Variants in ZFYVE9 observed in about 807,000 individuals in gnomAD.
The protein encoded by ZFYVE9 is zinc finger FYVE domain-containing protein 9.
A neutral mutation model predicts 126.7 loss-of-function variants in ZFYVE9; 43 were observed. The observed-to-expected ratio is 0.34, with a 90% confidence interval of 0.27 to 0.44. The LOEUF (loss-of-function observed/expected upper bound fraction) is 0.44, where lower values mean the gene tolerates loss of function less well. ZFYVE9 is among the 20% of genes least tolerant of loss of function. ZFYVE9 has a pLI of 1.00. For missense variants in ZFYVE9, 1,476 were observed against 1,697.0 expected, an observed-to-expected ratio of 0.87 and a Z score of 2.29; for synonymous variants, 521 against 597.4, an observed-to-expected ratio of 0.87 and a Z score of 1.87.
At chr1:52,323,808 G>T (rs762346245) in intron 13 of ZFYVE9, among the ~76,000 whole-genome samples, 11 of 151,818 alleles carry the variant, frequency 7.2e-5, no homozygotes, top group Non-Finnish European at 1.2e-4. Context: ...CCAGCTATTC[G>T]GGAGGCTGAG....
intron 10 of ZFYVE9, among the ~76,000 whole-genome samples, chr1:52,289,763 TATTG>T (rs1389954108): frequency 6.6e-6 from 1 of 152,204 alleles, no homozygotes; most frequent in Non-Finnish European, 1.5e-5. Flanking sequence ...ATTCAGTTAT[TATTG>T]GTAATCTACA....
chr1:52,265,104 G>A (rs1427557523), intron 5 of ZFYVE9, among the ~76,000 whole-genome samples: 1 of 152,172 alleles, frequency 6.6e-6, no homozygotes, highest in Non-Finnish European at 1.5e-5. Flanking sequence ...AATGGCAGAG[G>A]ATTCACATGG....
intron 12 of ZFYVE9, among the ~76,000 whole-genome samples, chr1:52,297,036 G>A (rs1382980333): frequency 6.6e-6 from 1 of 151,926 alleles, no homozygotes; most frequent in East Asian, 1.9e-4. Context: ...CAAACTCCTG[G>A]CCTCAATGAT....
At chr1:52,339,042 A>G (rs1368380756) in intron 16 of ZFYVE9, among the ~76,000 whole-genome samples, 1 of 152,172 alleles carries the variant, frequency 6.6e-6, no homozygotes, top group Non-Finnish European at 1.5e-5. Context: ...CAAGAACATA[A>G]ACAGGTTTGA....
intron 1 of ZFYVE9, among the ~76,000 whole-genome samples, chr1:52,213,157 G>T (rs1195963745): frequency 1.3e-5 from 2 of 152,064 alleles, no homozygotes; most frequent in Non-Finnish European, 2.9e-5. Flanking sequence ...TATTCTCCAT[G>T]GGAGGTGATG....
intron 13 of ZFYVE9, among the ~76,000 whole-genome samples, chr1:52,304,240 C>T (rs1646060929): frequency 6.6e-6 from 1 of 151,904 alleles, no homozygotes; most frequent in Non-Finnish European, 1.5e-5. Context: ...AATGTCCCCA[C>T]TCCTACTATA....
rs1644449145 is a variant in ZFYVE9 at position 52,160,631 on chromosome 1, G to GT, written c.-143+18229dup. 1.1e-5 allele frequency: 7 copies of GT among 664,882 alleles called. No homozygotes were observed. The Admixed American group carries it at 1.4e-4, about 14-fold the overall frequency. The allele number at this position is 664,882 out of a possible 1,614,324, so 41.2% of individuals were successfully genotyped here. A position where few individuals can be genotyped will look rare whatever the true frequency, so the allele number is the denominator to read the frequency against. ...GTCGGGCACCGTGTTAGCCAGGATGGTGTTGATCTCCTGACCTCGTGATCC... is the reference window on the plus strand; with the variant it reads ...GTCGGGCACCGTGTTAGCCAGGATGGTTGTTGATCTCCTGACCTCGTGATCC... On this transcript the variant is annotated intron_variant, in intron 1 of 18. Coordinates refer to ENST00000287727, the MANE Select transcript of ZFYVE9 (RefSeq NM_004799.4).
chr1:52,226,233 G>A, intron 2 of ZFYVE9, among the ~76,000 whole-genome samples: 1 of 152,144 alleles, frequency 6.6e-6, no homozygotes, highest in Non-Finnish European at 1.5e-5. Context: ...TCTTGAGCAT[G>A]TCTAGTCCCT....
intron 13 of ZFYVE9, among the ~76,000 whole-genome samples, chr1:52,310,859 T>G (rs1048676559): frequency 6.6e-5 from 10 of 152,296 alleles, no homozygotes; most frequent in South Asian, 6.2e-4. Flanking sequence ...TGACTAGTTT[T>G]TTGTTGTTGT....
chr1:52,196,396 G>C (rs1372365299), intron 1 of ZFYVE9, among the ~76,000 whole-genome samples: 1 of 152,156 alleles, frequency 6.6e-6, no homozygotes, highest in East Asian at 1.9e-4. Flanking sequence ...AACACTTTGG[G>C]AGGCCAAGGT....
At chr1:52,204,367 T>C (rs1644953286) in intron 1 of ZFYVE9, among the ~76,000 whole-genome samples, 1 of 152,168 alleles carries the variant, frequency 6.6e-6, no homozygotes, top group African/African-American at 2.4e-5. Context: ...TCAGTTAGGC[T>C]CTGATATAAC....
Position 52,346,137 on chromosome 1 carries a change from G to A in ZFYVE9, c.4194G>A (p.Pro1398=), listed in dbSNP as rs766644724. The change falls in exon 19 of 19, where the codon CCG becomes CCA. Residue 1398 remains proline, a synonymous_variant. Transcript: ENST00000287727. ...ATGATCTGGACAGCGCCTTGGTGCC[G>A]GTGATCCATGGAGGGGCCTGCCAGC... ...YMNDLDSALV[P]VIHGGACQLS... 10 of 1,613,248 alleles carry A rather than the reference G, an allele frequency of 6.2e-6. No individual in the cohort carries two copies. In the East Asian group the frequency reaches 6.7e-5, roughly 11 times the overall value.
chr1:52,194,065 T>A (rs1416450956), intron 1 of ZFYVE9, among the ~76,000 whole-genome samples: 1 of 152,100 alleles, frequency 6.6e-6, no homozygotes, highest in Non-Finnish European at 1.5e-5. Flanking sequence ...GCTGAGATCG[T>A]GGCACTGCAC....
rs773088349 is a variant in ZFYVE9, at chr1:52,237,674, A to G, written c.257A>G (p.Asp86Gly). Residue 86 changes from aspartate to glycine, a missense_variant, in exon 4 of 19, where the codon GAT becomes GGT. Asp to Gly is a moderately conservative substitution (Grantham distance 94). This residue lies in a region of ZFYVE9 where 807 missense variants were observed against 794.6 expected (regional missense o/e 1.02). Transcript: ENST00000287727. ...GCTCCCCTGACCACAGAGGAAGAGGATCACTGTGCTAATGGACAGGACTGT... is the reference window on the plus strand; with the variant it reads ...GCTCCCCTGACCACAGAGGAAGAGGGTCACTGTGCTAATGGACAGGACTGT... ...HSAPLTTEEE[D>G]HCANGQDCNL... 6.8e-6 allele frequency: 11 copies of G among 1,613,998 alleles called. No individual in the cohort carries two copies. The highest frequency in any genetic ancestry group is 8.5e-6 in the Non-Finnish European group (10 of 1,179,988).
intron 2 of ZFYVE9, among the ~76,000 whole-genome samples, chr1:52,220,041 G>T (rs1161448271): frequency 6.6e-6 from 1 of 152,122 alleles, no homozygotes. Context: ...CTCCCAAAGT[G>T]CTGGGATTAC....
At chr1:52,252,823 G>A (rs66506358) in intron 4 of ZFYVE9, 6,539 of 324,628 alleles carry the variant, frequency 0.02, 95 homozygotes, top group African/African-American at 0.029. Context: ...CAGCCCAGAG[G>A]TTGCGGCCAA....
At chr1:52,266,859 T>C in intron 6 of ZFYVE9, 28 bp downstream of exon 6, 2 of 1,525,838 alleles carry the variant, frequency 1.3e-6, no homozygotes, top group Non-Finnish European at 1.8e-6. Context: ...ATTCTCTCTC[T>C]TTTTCCTCAC....
intron 13 of ZFYVE9, among the ~76,000 whole-genome samples, chr1:52,326,849 A>G (rs763959667): frequency 1.3e-5 from 2 of 150,974 alleles, no homozygotes; most frequent in African/African-American, 4.9e-5. Context: ...AGCCTGGGCA[A>G]CAAGAGTGAA....
At chr1:52,318,783 A>C (rs1417110158) in intron 13 of ZFYVE9, among the ~76,000 whole-genome samples, 2 of 152,080 alleles carry the variant, frequency 1.3e-5, no homozygotes, top group African/African-American at 4.8e-5. Flanking sequence ...AGCAATGAAC[A>C]ATTGAATATA....
Sources: gnomAD v4.1 joint callset for allele counts (sites outside exome capture counted in the v4.1 genomes callset) on GRCh38, gnomAD v4.1.1 for gene constraint, gnomAD v4.1.1 regional missense constraint, MANE v1.5 for transcripts, NCBI Gene and HGNC (gene_info 2026-07-23, HGNC 2026-07-21) for gene names.